CDH12: variants seen among roughly 807,000 people sequenced by gnomAD.
CDH12 encodes cadherin-12.
CDH12 carries 41 observed loss-of-function variants against 74.1 expected under a neutral mutation model. The ratio of observed to expected loss-of-function variants is 0.55; its 90% CI spans 0.43 to 0.72. The LOEUF (loss-of-function observed/expected upper bound fraction) is 0.72, where lower values mean the gene tolerates loss of function less well. Among genes scored for constraint, CDH12 ranks in the 30% least tolerant of loss-of-function variants. The pLI is 0.00. For synonymous variants in CDH12, 399 were observed against 355.0 expected (o/e 1.12, Z -1.39); for missense variants, 945 against 977.2 (o/e 0.97, Z 0.44).
intron 2 of CDH12, among the ~76,000 whole-genome samples, chr5:22,444,055 T>A (rs1744726959): frequency 6.6e-6 from 1 of 152,074 alleles, no homozygotes; most frequent in Admixed American, 6.6e-5. Flanking sequence ...TTTAGAGCCA[T>A]AAGAGGCTAA....
intron 3 of CDH12, among the ~76,000 whole-genome samples, chr5:22,338,067 G>A (rs1343489903): frequency 6.6e-6 from 1 of 151,932 alleles, no homozygotes; most frequent in Non-Finnish European, 1.5e-5. Flanking sequence ...CCCACTGCTG[G>A]GTATATATCC....
At chr5:22,829,949 GT>G (rs1293574882) in intron 1 of CDH12, among the ~76,000 whole-genome samples, 1 of 152,088 alleles carries the variant, frequency 6.6e-6, no homozygotes, top group Non-Finnish European at 1.5e-5. Context: ...AACGTTAGTG[GT>G]TTTCCTTTTG....
chr5:22,626,642 A>G (rs930802966), intron 1 of CDH12, among the ~76,000 whole-genome samples: 1 of 152,232 alleles, frequency 6.6e-6, no homozygotes, highest in African/African-American at 2.4e-5. Flanking sequence ...GTCTATACAG[A>G]TAATAAAGAA....
At chr5:22,479,312 C>T (rs1046551160) in intron 2 of CDH12, among the ~76,000 whole-genome samples, 7 of 152,180 alleles carry the variant, frequency 4.6e-5, no homozygotes, top group Non-Finnish European at 1.0e-4. Context: ...TGTTCAACAT[C>T]TTTTAAAAGC....
chr5:22,544,418 G>A (rs1307284013), intron 1 of CDH12, among the ~76,000 whole-genome samples: 2 of 152,032 alleles, frequency 1.3e-5, no homozygotes, highest in Admixed American at 6.6e-5. Context: ...GCAAAATCAG[G>A]TCTTTTACCA....
intron 1 of CDH12, among the ~76,000 whole-genome samples, chr5:22,560,041 T>G (rs1156758792): frequency 1.3e-5 from 2 of 152,220 alleles, no homozygotes; most frequent in African/African-American, 4.8e-5. Context: ...GTGCATCAAC[T>G]TTTTATTATC....
intron 1 of CDH12, among the ~76,000 whole-genome samples, chr5:22,644,280 G>A (rs1327817920): frequency 3.9e-5 from 6 of 152,074 alleles, no homozygotes; most frequent in African/African-American, 1.4e-4. Flanking sequence ...AGTTGTGAAT[G>A]CAAAAGAAAA....
intron 8 of CDH12, among the ~76,000 whole-genome samples, chr5:21,831,929 C>T (rs1390946589): frequency 6.6e-6 from 1 of 151,928 alleles, no homozygotes; most frequent in Non-Finnish European, 1.5e-5. Flanking sequence ...ATTTTAATTT[C>T]TAAAAAAGTC....
rs61616737 is a variant in CDH12 at position 22,836,223 on chromosome 5, C to CTTTT, written c.-523+16831_-523+16834dup. ...TTTTTTTCTTTTTTTCTTTCTTTCT[C>CTTTT]TTTTTTTTTTTTTTTTTTGAGACAG... On this transcript the variant is annotated intron_variant, in intron 1 of 14. Coordinates refer to ENST00000382254, the MANE Select transcript of CDH12 (RefSeq NM_004061.5). 3.8e-4 allele frequency among the ~76,000 whole-genome samples: 25 copies of CTTTT among 65,494 alleles called. 3 individuals carry two copies. Among genetic ancestry groups the CTTTT allele is most frequent in the African/African-American group, 8.7e-4 (14 of 16,086 alleles). 43.0% of individuals were successfully genotyped at this position (65,494 alleles called of 152,430 possible).
chr5:22,086,671 T>C (rs1743089395), intron 4 of CDH12, among the ~76,000 whole-genome samples: 1 of 151,798 alleles, frequency 6.6e-6, no homozygotes, highest in African/African-American at 2.4e-5. Flanking sequence ...TTTTAACTGA[T>C]ATGAAAATGG....
intron 5 of CDH12, among the ~76,000 whole-genome samples, chr5:22,032,201 TG>T (rs1242842806): frequency 6.6e-6 from 1 of 152,082 alleles, no homozygotes; most frequent in Non-Finnish European, 1.5e-5. Flanking sequence ...ACATATAATG[TG>T]CATATCTAGT....
chr5:21,990,761 T>G (rs1757709123), intron 5 of CDH12, among the ~76,000 whole-genome samples: 1 of 151,068 alleles, frequency 6.6e-6, no homozygotes, highest in Non-Finnish European at 1.5e-5. Flanking sequence ...ATTAGCATTC[T>G]CATGTTGTAG....
intron 1 of CDH12, among the ~76,000 whole-genome samples, chr5:22,749,613 C>T (rs1180444125): frequency 6.6e-6 from 1 of 152,100 alleles, no homozygotes; most frequent in African/African-American, 2.4e-5. Context: ...ACATGTAGTA[C>T]CCCAGAGACT....
chr5:22,802,366 C>T (rs957040572), intron 1 of CDH12, among the ~76,000 whole-genome samples: 18 of 151,950 alleles, frequency 1.2e-4, no homozygotes, highest in African/African-American at 2.9e-4. Flanking sequence ...GTGATCCGCC[C>T]GCCTCAGCCT....
In CDH12 at chr5:21,811,246, T is replaced by C. The variant is rs183259981; in HGVS notation, c.1002+5699A>G. Among the ~76,000 whole-genome samples the C allele has an allele frequency of 5.0e-3, 755 of 152,256 alleles. 3 individuals are homozygous for C. The highest frequency in any genetic ancestry group is 6.7e-3 in the Non-Finnish European group (453 of 67,986). On this transcript the variant is annotated intron_variant, in intron 9 of 14. Transcript: ENST00000382254. ...TAGGAAATAACTTCACCACTCTTCATTTTAAACAGTTTCTAAGAGAAAGTT... is the reference window on the plus strand; with the variant it reads ...TAGGAAATAACTTCACCACTCTTCACTTTAAACAGTTTCTAAGAGAAAGTT...
At chr5:22,254,958 A>G (rs903850255) in intron 3 of CDH12, among the ~76,000 whole-genome samples, 1 of 151,826 alleles carries the variant, frequency 6.6e-6, no homozygotes, top group South Asian at 2.1e-4. Context: ...TAGTTCCCCT[A>G]TTATGCTACC....
At position 22,843,328 on chromosome 5, in the gene CDH12, T is replaced by C. The variant is rs550058749; in HGVS notation, c.-523+9730A>G. ...TAAATTCACTAAGAGTTCCAGAATA[T>C]GGCACAATGTTCTTTTTCTCTGTAG... On this transcript the variant is annotated intron_variant, in intron 1 of 14. Coordinates refer to ENST00000382254, the MANE Select transcript of CDH12 (RefSeq NM_004061.5). 6.6e-5 allele frequency among the ~76,000 whole-genome samples: 10 copies of C among 152,170 alleles called. No individual in the cohort carries two copies. In the South Asian group the frequency reaches 2.1e-3, roughly 32 times the overall value.
In CDH12 at chr5:22,150,907, T is replaced by A. The variant is rs1175788530; in HGVS notation, c.-187+61591A>T. On this transcript the variant is annotated intron_variant, in intron 4 of 14. Coordinates refer to ENST00000382254, the MANE Select transcript of CDH12 (RefSeq NM_004061.5). ...TGGTGGCAGAGAAGGAATTTTAGAC[T>A]CTCCGGCTCCCTCCACAAGGCACTA... Among the ~76,000 whole-genome samples the A allele has an allele frequency of 2.0e-5, 3 of 152,302 alleles. 1 individual carries two copies. The highest frequency in any genetic ancestry group is 4.4e-5 in the Non-Finnish European group (3 of 68,032).
chr5:22,832,876 A>T (rs1389312491), intron 1 of CDH12, among the ~76,000 whole-genome samples: 1 of 152,164 alleles, frequency 6.6e-6, no homozygotes, highest in Non-Finnish European at 1.5e-5. Context: ...TAAATCAATG[A>T]TAATTATCCT....
Sources: allele counts gnomAD v4.1 joint callset (sites outside exome capture counted in the v4.1 genomes callset), GRCh38; gene constraint gnomAD v4.1.1; transcripts MANE v1.5; gene names NCBI Gene and HGNC (gene_info 2026-07-23, HGNC 2026-07-21).